The following SMC6 variants were observed in gnomAD, a reference collection of about 807,000 sequenced individuals.
SMC6 encodes the protein structural maintenance of chromosomes 6, also known as structural maintenance of chromosomes protein 6.
SMC6 carries 79 observed loss-of-function variants against 142.2 expected under a neutral mutation model. The observed-to-expected ratio is 0.56, with a 90% CI of 0.46 to 0.67. SMC6 has a LOEUF of 0.67. SMC6 is among the 30% of genes least tolerant of loss of function. The pLI, the probability that SMC6 is intolerant of heterozygous loss-of-function variation, is 0.00. For missense variants in SMC6, 1,072 were observed against 1,284.0 expected, an observed-to-expected ratio of 0.83 and a Z score of 2.52; for synonymous variants, 411 against 412.4, an observed-to-expected ratio of 1.00 and a Z score of 0.04.
Position 17,670,575 on chromosome 2 carries a change from C to A in SMC6, c.2911G>T (p.Val971Phe). The part of the protein sequence containing the change: ...DHKNETLSIS[V>F]QPGEGNKAAF... ...GCTTTATTTCCTTCTCCAGGCTGAA[C>A]CTTGAAGAGAATGAGTTGACAAGGA... is the stretch of plus-strand genomic sequence containing the variant. The change falls in exon 26 of 28, where the codon GTT becomes TTT. Residue 971 changes from valine to phenylalanine, a missense_variant and splice_region_variant. By Grantham distance (50) the Val-to-Phe change is conservative. This residue lies in a region of SMC6 where 994 missense variants were observed against 1,153.2 expected (regional missense o/e 0.86). Transcript: ENST00000448223. 6.5e-7 allele frequency: 1 copy of A among 1,534,790 alleles called. No homozygotes were observed. Among genetic ancestry groups the A allele is most frequent in the Non-Finnish European group, 8.7e-7 (1 of 1,149,752 alleles).
intron 11 of SMC6, among the ~76,000 whole-genome samples, chr2:17,720,482 C>T (rs1171306777): frequency 6.6e-6 from 1 of 152,200 alleles, no homozygotes; most frequent in African/African-American, 2.4e-5. Flanking sequence ...GGTTCTGGAC[C>T]ATAAATCTCA....
At chr2:17,674,003 GGTCCTCCTCAGGT>G (rs1666892602) in intron 25 of SMC6, among the ~76,000 whole-genome samples, 1 of 152,144 alleles carries the variant, frequency 6.6e-6, no homozygotes, top group African/African-American at 2.4e-5. Flanking sequence ...ACACAGGTAA[GGTCCTCCTCAGGT>G]GTCTATTGTT....
rs941764696 is a variant in SMC6, at chr2:17,715,444, G to GA, written c.1526-380dup. Among the ~76,000 whole-genome samples the GA allele has an allele frequency of 6.5e-5, 9 of 139,174 alleles. No homozygotes were observed. In the South Asian group the frequency reaches 6.9e-4, roughly 11 times the overall value. The allele number at this position is 139,174 out of a possible 152,430, so 91.3% of individuals were successfully genotyped here. A position where few individuals can be genotyped will look rare whatever the true frequency, so the allele number is the denominator to read the frequency against. ...ATTTTCAAAGTCCTTAATGGGATGC[G>GA]AAAAAAAAAAGCCTCATCCTTTGAA... On this transcript the variant is annotated intron_variant, in intron 15 of 27. Coordinates refer to ENST00000448223, the MANE Select transcript of SMC6 (RefSeq NM_001142286.2).
At chr2:17,727,831 C>G (rs186606278) in intron 7 of SMC6, among the ~76,000 whole-genome samples, 1 of 152,050 alleles carries the variant, frequency 6.6e-6, no homozygotes, top group Non-Finnish European at 1.5e-5. Flanking sequence ...CTCTCAAGTA[C>G]GATGTTGGGC....
At position 17,703,234 on chromosome 2, in the gene SMC6, A is replaced by G. The variant is rs997362513; in HGVS notation, c.2065T>C (p.Leu689=). The change falls in exon 19 of 28, where the codon TTA becomes CTA. Residue 689 remains leucine, a synonymous_variant. Coordinates refer to ENST00000448223, the MANE Select transcript of SMC6 (RefSeq NM_001142286.2). ...TAQILNLQQH[L]SALEKDIKHN... ...TTAATATCTTTTTCAAGGGCAGATA[A>G]ATGTTGCTGAAGATTTAATATCTGG... The G allele has an allele frequency of 2.5e-6, 4 of 1,605,956 alleles. No homozygotes were observed. In the African/African-American group the frequency reaches 5.4e-5, roughly 22 times the overall value.
Position 17,753,030 on chromosome 2 carries a change from G to A in SMC6, c.-58C>T, listed in dbSNP as rs1671140230. 2.0e-6 allele frequency: 2 copies of A among 984,726 alleles called. No individual in the cohort carries two copies. Among genetic ancestry groups the A allele is most frequent in the Non-Finnish European group, 2.4e-6 (2 of 829,420 alleles). The allele number at this position is 984,726 out of a possible 1,614,324, so 61.0% of individuals were successfully genotyped here. On this transcript the variant is annotated 5_prime_UTR_variant, in exon 2 of 28. Transcript: ENST00000448223. ...TCTCTACCCTAGAGTCCTGTTTTCC[G>A]CAATTCCCAATTGGGATTCTTCTCC...
intron 18 of SMC6, among the ~76,000 whole-genome samples, chr2:17,703,996 CT>C (rs1185688049): frequency 7.9e-5 from 12 of 151,792 alleles, no homozygotes; most frequent in East Asian, 5.8e-4. Flanking sequence ...GTCAGTGCCC[CT>C]AACCTCTGCA....
chr2:17,673,770 T>C (rs1666879630), intron 25 of SMC6, among the ~76,000 whole-genome samples: 1 of 152,086 alleles, frequency 6.6e-6, no homozygotes, highest in South Asian at 2.1e-4. Flanking sequence ...GGTTTCTCCA[T>C]GTTGGTCAGG....
At chr2:17,717,257 A>C in intron 12 of SMC6, 81 bp from the exon 13 acceptor site, 6 of 925,514 alleles carry the variant, frequency 6.5e-6, no homozygotes, top group Non-Finnish European at 9.9e-6. Flanking sequence ...AAATCTTCAG[A>C]GGCTGAATAT....
chr2:17,750,796 T>A (rs956105561), intron 2 of SMC6, among the ~76,000 whole-genome samples: 18 of 151,664 alleles, frequency 1.2e-4, no homozygotes, highest in Non-Finnish European at 2.1e-4. Flanking sequence ...AGGTCAGGAG[T>A]TCGAGACCAG....
chr2:17,741,074 T>C (rs182867677), intron 4 of SMC6, among the ~76,000 whole-genome samples: 268 of 152,306 alleles, frequency 1.8e-3, no homozygotes, highest in Non-Finnish European at 3.1e-3. Flanking sequence ...CCAGTTCCTA[T>C]ACACATCTAC....
At chr2:17,721,943 C>A (rs189346437) in intron 9 of SMC6, among the ~76,000 whole-genome samples, 1 of 152,168 alleles carries the variant, frequency 6.6e-6, no homozygotes, top group East Asian at 1.9e-4. Context: ...TTAAAAATAT[C>A]AAATACTGTG....
At chr2:17,670,787 A>C (rs1666722121) in intron 25 of SMC6, among the ~76,000 whole-genome samples, 1 of 152,242 alleles carries the variant, frequency 6.6e-6, no homozygotes, top group Non-Finnish European at 1.5e-5. Context: ...GCAAGAGAAT[A>C]AAACTGAAAA....
At chr2:17,729,834 T>C (rs367938769) in intron 7 of SMC6, among the ~76,000 whole-genome samples, 2 of 152,200 alleles carry the variant, frequency 1.3e-5, no homozygotes, top group African/African-American at 2.4e-5. Flanking sequence ...AAAATTCAAT[T>C]TCTTAGTCAC....
intron 23 of SMC6, among the ~76,000 whole-genome samples, chr2:17,686,456 T>C (rs929063286): frequency 1.3e-5 from 2 of 152,134 alleles, no homozygotes; most frequent in African/African-American, 2.4e-5. Flanking sequence ...CTCTCCAGCA[T>C]GGGCAACAGA....
rs1572353794 is a variant in SMC6, at chr2:17,738,319, C to G, written c.246G>C (p.Lys82Asn). The change falls in exon 5 of 28, where the codon AAG becomes AAC. Residue 82 changes from lysine (K) to asparagine (N), a missense_variant. Lys to Asn is a moderately conservative substitution (Grantham distance 94). Around this residue, in one of 3 missense-constraint regions of SMC6, gnomAD observed 994 missense variants for 1,153.2 expected, o/e 0.86. Coordinates refer to ENST00000448223, the MANE Select transcript of SMC6 (RefSeq NM_001142286.2). The stretch of plus-strand genomic sequence containing the variant: ...CTATGAGAGCTGTGAGTACTGCACT[C>G]TTCCCACCTAAAGAAACAGATGTTG... Reference protein sequence around the residue: ...NFVVGNNGSGKSAVLTALIVG... With the variant: ...NFVVGNNGSGNSAVLTALIVG... 1 of 1,603,246 alleles carries G rather than the reference C, an allele frequency of 6.2e-7. No homozygotes were observed. Among genetic ancestry groups the G allele is most frequent in the Non-Finnish European group, 8.5e-7 (1 of 1,174,768 alleles).
In SMC6 at chr2:17,683,627, A is replaced by G. The variant is rs1667325957; in HGVS notation, c.2804+11T>C. On this transcript the variant is annotated intron_variant, in intron 24 of 27. Coordinates refer to ENST00000448223, the MANE Select transcript of SMC6 (RefSeq NM_001142286.2). ...TGTATAATATATAGTAACATTTTTC[A>G]ATGTACTTACCTTCTAAATTGTTGA... is the stretch of plus-strand genomic sequence containing the variant. 6.3e-7 allele frequency: 1 copy of G among 1,593,902 alleles called. No homozygotes were observed. Among genetic ancestry groups the G allele is most frequent in the African/African-American group, 1.4e-5 (1 of 73,576 alleles).
chr2:17,693,714 G>C (rs554584233), intron 23 of SMC6, among the ~76,000 whole-genome samples: 1 of 151,750 alleles, frequency 6.6e-6, no homozygotes, highest in Non-Finnish European at 1.5e-5. Context: ...AAAAGAATGA[G>C]GCCAGGCGTG....
chr2:17,734,814 CT>C (rs1457412423), intron 5 of SMC6, among the ~76,000 whole-genome samples: 22 of 152,126 alleles, frequency 1.4e-4, no homozygotes, highest in African/African-American at 5.3e-4. Context: ...TCACTGCAAT[CT>C]CCGCCTCCCA....
Sources: gnomAD v4.1 joint callset for allele counts (sites outside exome capture counted in the v4.1 genomes callset) on GRCh38, gnomAD v4.1.1 for gene constraint, gnomAD v4.1.1 regional missense constraint, MANE v1.5 for transcripts, NCBI Gene and HGNC (gene_info 2026-07-23, HGNC 2026-07-21) for gene names.